The following CNTN5 variants were observed in gnomAD, a reference collection of about 807,000 sequenced individuals.
CNTN5 encodes the protein contactin-5.
Under a neutral mutation model 129.1 loss-of-function variants are expected in CNTN5, and 77 were observed. The observed-to-expected ratio is 0.60, with a 90% CI of 0.50 to 0.72. The LOEUF (loss-of-function observed/expected upper bound fraction) is 0.72, where lower values mean the gene tolerates loss of function less well. CNTN5 is among the 30% of genes least tolerant of loss of function. CNTN5 has a pLI of 0.00. For synonymous variants in CNTN5, 509 were observed against 465.6 expected (o/e 1.09, Z -1.20); for missense variants, 1,478 against 1,328.8 (o/e 1.11, Z -1.75).
At chr11:99,918,614 G>A (rs1949854668) in intron 7 of CNTN5, among the ~76,000 whole-genome samples, 1 of 152,070 alleles carries the variant, frequency 6.6e-6, no homozygotes, top group Non-Finnish European at 1.5e-5. Flanking sequence ...AGCATTTGTA[G>A]CCATACACTC....
At chr11:99,815,040 A>G (rs1347464677) in intron 3 of CNTN5, among the ~76,000 whole-genome samples, 1 of 140,348 alleles carries the variant, frequency 7.1e-6, no homozygotes, top group Non-Finnish European at 1.7e-5. Context: ...CACGGGGGAA[A>G]CTGCCCCCCT....
chr11:99,412,021 G>T (rs931419880), intron 2 of CNTN5, among the ~76,000 whole-genome samples: 1 of 152,030 alleles, frequency 6.6e-6, no homozygotes, highest in Non-Finnish European at 1.5e-5. Flanking sequence ...AAGCATACCA[G>T]AATAAAAATA....
Position 100,308,387 on chromosome 11 carries a change from G to A in CNTN5, c.2649G>A (p.Lys883=). The A allele has an allele frequency of 6.2e-7, 1 of 1,610,936 alleles. No individual in the cohort carries two copies. The highest frequency in any genetic ancestry group is 8.5e-7 in the Non-Finnish European group (1 of 1,177,884). ...CCAGTGCTGCTCCCACAGATGTCAA[G>A]GCGACAAGTGTGTCTGTGTCAGAGA... ...GEPSAAPTDV[K]ATSVSVSEIL... The change falls in exon 21 of 25, where the codon AAG becomes AAA. Residue 883 remains lysine (K), a synonymous_variant. Transcript: ENST00000524871.
chr11:99,064,716 T>C (rs2135225653), intron 1 of CNTN5, among the ~76,000 whole-genome samples: 1 of 152,202 alleles, frequency 6.6e-6, no homozygotes, highest in Non-Finnish European at 1.5e-5. Context: ...ACATTTTATT[T>C]CCTTTTGATA....
chr11:99,523,644 T>C lies in CNTN5; in HGVS notation c.-70-32501T>C, dbSNP rs61313826. On this transcript the variant is annotated intron_variant, in intron 2 of 24. Transcript: ENST00000524871. ...TAGAATAGAATAGAATAGAATAGAATAGAATAGAACAGAACAGATCAGAAC... is the reference window on the plus strand; with the variant it reads ...TAGAATAGAATAGAATAGAATAGAACAGAATAGAACAGAACAGATCAGAAC... Among the ~76,000 whole-genome samples, 559 of 81,708 alleles carry C rather than the reference T, an allele frequency of 6.8e-3. 6 individuals are homozygous for C. The highest frequency in any genetic ancestry group is 0.022 in the African/African-American group (472 of 21,558). 53.6% of individuals were successfully genotyped at this position (81,708 alleles called of 152,430 possible).
intron 21 of CNTN5, among the ~76,000 whole-genome samples, chr11:100,329,009 A>T (rs1161355361): frequency 6.6e-6 from 1 of 152,146 alleles, no homozygotes; most frequent in Admixed American, 6.5e-5. Context: ...TTCAACGAGG[A>T]GGCATGCAGT....
intron 3 of CNTN5, among the ~76,000 whole-genome samples, chr11:99,628,974 C>A (rs988973938): frequency 4.6e-5 from 7 of 152,160 alleles, no homozygotes; most frequent in Non-Finnish European, 7.4e-5. Flanking sequence ...CTGGTAGACT[C>A]AGCACATATT....
chr11:99,196,982 A>G (rs1186087352), intron 1 of CNTN5, among the ~76,000 whole-genome samples: 1 of 151,936 alleles, frequency 6.6e-6, no homozygotes, highest in Non-Finnish European at 1.5e-5. Context: ...ACCAGATGCT[A>G]AAACATCATG....
chr11:100,179,322 G>A (rs1019460175), intron 13 of CNTN5, among the ~76,000 whole-genome samples: 2 of 152,032 alleles, frequency 1.3e-5, no homozygotes, highest in African/African-American at 2.4e-5. Context: ...TGGATCATGA[G>A]CATCAGATAT....
intron 9 of CNTN5, among the ~76,000 whole-genome samples, chr11:100,010,311 C>G (rs1193117446): frequency 2.0e-5 from 3 of 151,984 alleles, no homozygotes; most frequent in Admixed American, 6.6e-5. Flanking sequence ...GCTACCATCT[C>G]TAGAGGTAAG....
Position 99,297,414 on chromosome 11 carries a change from C to G in CNTN5, c.-209-27932C>G, listed in dbSNP as rs530149482. 2.8e-4 allele frequency among the ~76,000 whole-genome samples: 42 copies of G among 152,264 alleles called. No homozygotes were observed. In the Middle Eastern group the frequency reaches 0.01, roughly 37 times the overall value. On this transcript the variant is annotated intron_variant, in intron 1 of 24. Coordinates refer to ENST00000524871, the MANE Select transcript of CNTN5 (RefSeq NM_014361.4). Reference sequence around the variant, plus strand: ...ATCCTGTACATCCCTAATCCTGTCACCCACAGCCATCAGCACAGAGTGCAA... The same window carrying G: ...ATCCTGTACATCCCTAATCCTGTCAGCCACAGCCATCAGCACAGAGTGCAA...
intron 6 of CNTN5, among the ~76,000 whole-genome samples, chr11:99,845,531 C>T (rs1947662935): frequency 6.6e-6 from 1 of 151,628 alleles, no homozygotes; most frequent in African/African-American, 2.4e-5. Flanking sequence ...CGCCACTACG[C>T]CCGGCTAATT....
intron 1 of CNTN5, among the ~76,000 whole-genome samples, chr11:99,289,903 G>A (rs1248736601): frequency 6.6e-6 from 1 of 151,764 alleles, no homozygotes. Flanking sequence ...AACATCTAAT[G>A]TGTTTGCATA....
chr11:99,031,195 C>T (rs1863357684), intron 1 of CNTN5, among the ~76,000 whole-genome samples: 1 of 152,014 alleles, frequency 6.6e-6, no homozygotes, highest in African/African-American at 2.4e-5. Flanking sequence ...AGCTTGCAAA[C>T]ATTTTACAAT....
intron 3 of CNTN5, among the ~76,000 whole-genome samples, chr11:99,671,990 A>G (rs1353338826): frequency 2.6e-5 from 4 of 152,128 alleles, no homozygotes; most frequent in Non-Finnish European, 5.9e-5. Flanking sequence ...CCTTGTAATC[A>G]TTCTCCAAAT....
intron 2 of CNTN5, among the ~76,000 whole-genome samples, chr11:99,532,730 A>G (rs1947759675): frequency 6.6e-6 from 1 of 152,224 alleles, no homozygotes; most frequent in Non-Finnish European, 1.5e-5. Context: ...TGCTGCTGCC[A>G]TGTAAGAAGT....
chr11:99,180,548 A>C (rs1857998862), intron 1 of CNTN5, among the ~76,000 whole-genome samples: 1 of 152,232 alleles, frequency 6.6e-6, no homozygotes, highest in Non-Finnish European at 1.5e-5. Context: ...ATAGGAATAG[A>C]TTGAAATAGA....
At chr11:99,487,066 T>G (rs1487770243) in intron 2 of CNTN5, among the ~76,000 whole-genome samples, 3 of 152,304 alleles carry the variant, frequency 2.0e-5, no homozygotes, top group African/African-American at 7.2e-5. Context: ...AAGTGCCAAG[T>G]AAATAGATGT....
intron 3 of CNTN5, among the ~76,000 whole-genome samples, chr11:99,632,247 G>A (rs1300589389): frequency 1.3e-5 from 2 of 151,570 alleles, no homozygotes; most frequent in Non-Finnish European, 2.9e-5. Context: ...AGCTAAATAT[G>A]TTAATTGAAA....
Sources: gnomAD v4.1 joint callset for allele counts (sites outside exome capture counted in the v4.1 genomes callset) on GRCh38, gnomAD v4.1.1 for gene constraint, MANE v1.5 for transcripts, NCBI Gene and HGNC (gene_info 2026-07-23, HGNC 2026-07-21) for gene names.